Variants in UGGT1 observed in about 807,000 individuals in gnomAD.
UGGT1 encodes the protein UDP-glucose glycoprotein glucosyltransferase 1.
Under a neutral mutation model 203.9 loss-of-function variants are expected in UGGT1, and 107 were observed. The ratio of observed to expected loss-of-function variants is 0.52; its 90% CI spans 0.45 to 0.62. UGGT1 has a LOEUF of 0.62. Among genes scored for constraint, UGGT1 ranks in the 20% least tolerant of loss-of-function variants. UGGT1 has a pLI of 0.00. For synonymous variants in UGGT1, 628 were observed against 653.5 expected (o/e 0.96, Z 0.59); for missense variants, 1,673 against 1,867.2 (o/e 0.90, Z 1.92).
At chr2:128,165,825 G>A (rs1690763490) in intron 26 of UGGT1, among the ~76,000 whole-genome samples, 1 of 151,652 alleles carries the variant, frequency 6.6e-6, no homozygotes, top group Admixed American at 6.6e-5. Flanking sequence ...GCAGTAGCGT[G>A]ATCTCAGCTC....
intron 1 of UGGT1, among the ~76,000 whole-genome samples, chr2:128,094,704 A>C (rs1687025627): frequency 6.8e-6 from 1 of 147,538 alleles, no homozygotes; most frequent in Non-Finnish European, 1.5e-5. Flanking sequence ...GGCCTGTGGG[A>C]AAGGGTGTCT....
chr2:128,095,579 C>T (rs1480111138), intron 1 of UGGT1, among the ~76,000 whole-genome samples: 1 of 151,996 alleles, frequency 6.6e-6, no homozygotes, highest in African/African-American at 2.4e-5. Flanking sequence ...GCATGGACCT[C>T]CTAGGCCCAA....
intron 34 of UGGT1, among the ~76,000 whole-genome samples, 191 bp downstream of exon 34, chr2:128,178,760 G>A (rs1046060332): frequency 6.6e-6 from 1 of 152,186 alleles, no homozygotes. Context: ...GTTGAACTAT[G>A]TAGTGAGTGC....
intron 37 of UGGT1, 59 bp downstream of exon 37, chr2:128,182,349 G>T: frequency 1.3e-6 from 2 of 1,544,966 alleles, no homozygotes; most frequent in Non-Finnish European, 1.7e-6. Flanking sequence ...TTGATTTTGT[G>T]TGGTTAAAAT....
At chr2:128,106,709 G>A (rs1030265572) in intron 3 of UGGT1, among the ~76,000 whole-genome samples, 3 of 152,036 alleles carry the variant, frequency 2.0e-5, no homozygotes, top group Admixed American at 2.0e-4. Flanking sequence ...GCCACCTCCC[G>A]TGGCTAATTT....
At chr2:128,186,858 G>A (rs868348476) in intron 39 of UGGT1, 59 bp downstream of exon 39, 7 of 1,175,094 alleles carry the variant, frequency 6.0e-6, no homozygotes, top group South Asian at 4.5e-5. Context: ...AGTGAATCAC[G>A]ATTAATGATT....
rs892051930 is a variant in UGGT1 at position 128,106,098 on chromosome 2, C to T, written c.278-1840C>T. Among the ~76,000 whole-genome samples, 6 of 151,600 alleles carry T rather than the reference C, an allele frequency of 4.0e-5. No homozygotes were observed. In the East Asian group the frequency reaches 1.2e-3, roughly 29 times the overall value. ...GGGATTACAGGCGTGGGCCACCATG[C>T]CCAGCCTGAATCTTTTTTTTTTTTT... On this transcript the variant is annotated intron_variant, in intron 3 of 40. Coordinates refer to ENST00000259253, the MANE Select transcript of UGGT1 (RefSeq NM_020120.4).
chr2:128,096,007 A>G (rs1687101994), intron 1 of UGGT1, among the ~76,000 whole-genome samples: 1 of 152,174 alleles, frequency 6.6e-6, no homozygotes, highest in Non-Finnish European at 1.5e-5. Flanking sequence ...TCAAATGGGT[A>G]GAGCTCAGGG....
intron 11 of UGGT1, among the ~76,000 whole-genome samples, chr2:128,125,631 T>A (rs996189997): frequency 1.3e-5 from 2 of 152,136 alleles, no homozygotes; most frequent in African/African-American, 4.8e-5. Flanking sequence ...TTCAGTAGAA[T>A]TCAGGAGGGA....
chr2:128,183,330 C>A (rs776047400), intron 37 of UGGT1, among the ~76,000 whole-genome samples: 7 of 152,180 alleles, frequency 4.6e-5, no homozygotes, highest in Non-Finnish European at 1.0e-4. Flanking sequence ...GTTTTCCCCC[C>A]CCTGTAACAT....
At chr2:128,133,426 G>C (rs1688978996) in intron 14 of UGGT1, among the ~76,000 whole-genome samples, 166 bp downstream of exon 14, 1 of 152,110 alleles carries the variant, frequency 6.6e-6, no homozygotes, top group Non-Finnish European at 1.5e-5. Context: ...GTAGTGTACT[G>C]ACCACTTGTG....
Position 128,143,280 on chromosome 2 carries a change from C to G in UGGT1, c.1851+55C>G, listed in dbSNP as rs553997155. On this transcript the variant is annotated intron_variant, in intron 17 of 40. Coordinates refer to ENST00000259253, the MANE Select transcript of UGGT1 (RefSeq NM_020120.4). ...ATTGCAACATTGTACTGTCCTTAAC[C>G]CCGTGTTTGGGGGCTTTGGTTAATA... is the stretch of plus-strand genomic sequence containing the variant. 5 of 1,529,960 alleles carry G rather than the reference C, an allele frequency of 3.3e-6. No individual in the cohort carries two copies. In the East Asian group the frequency reaches 9.5e-5, roughly 29 times the overall value. The allele number at this position is 1,529,960 out of a possible 1,614,324, so 94.8% of individuals were successfully genotyped here.
intron 26 of UGGT1, among the ~76,000 whole-genome samples, chr2:128,169,546 T>C (rs1427273832): frequency 6.6e-6 from 1 of 152,256 alleles, no homozygotes; most frequent in Non-Finnish European, 1.5e-5. Flanking sequence ...CATAATCTCA[T>C]GTCTAGCACT....
In UGGT1 at chr2:128,186,780, G is replaced by A. The variant is rs752294353; in HGVS notation, c.4457G>A (p.Arg1486Lys). Residue 1486 changes from arginine to lysine, a missense_variant, in exon 39 of 41, where the codon AGG becomes AAG. Coordinates refer to ENST00000259253, the MANE Select transcript of UGGT1 (RefSeq NM_020120.4). Reference protein sequence around the residue: ...ETWCDDASKKRAKTIDLCNNP... With the variant: ...ETWCDDASKKKAKTIDLCNNP... The stretch of plus-strand genomic sequence containing the variant: ...TGGTGTGATGACGCCTCTAAGAAAA[G>A]GGCAAAAACCATTGATTTGGTAAGC... 52 of 1,612,098 alleles carry A rather than the reference G, an allele frequency of 3.2e-5. No homozygotes were observed. Among genetic ancestry groups the A allele is most frequent in the South Asian group, 4.4e-5 (4 of 90,758 alleles).
chr2:128,156,513 T>C, intron 21 of UGGT1, 98 bp downstream of exon 21: 1 of 950,554 alleles, frequency 1.1e-6, no homozygotes, highest in African/African-American at 1.7e-5. Context: ...TTGTACTGTT[T>C]CCGGAATCTG....
At position 128,116,289 on chromosome 2, in the gene UGGT1, T is replaced by C. The variant is rs759312548; in HGVS notation, c.818T>C (p.Ile273Thr). 1.2e-6 allele frequency: 2 copies of C among 1,609,348 alleles called. No homozygotes were observed. Among genetic ancestry groups the C allele is most frequent in the Non-Finnish European group, 8.5e-7 (1 of 1,175,718 alleles). The change falls in exon 8 of 41, where the codon ATT (isoleucine) becomes ACT (threonine). Residue 273 changes from isoleucine to threonine, a missense_variant. This residue lies in a region of UGGT1 where 1,073 missense variants were observed against 1,078.7 expected (regional missense o/e 0.99). Coordinates refer to ENST00000259253, the MANE Select transcript of UGGT1 (RefSeq NM_020120.4). ...VKGTEVNTTV[I>T]GENDPIDEVQ... Reference sequence around the variant, plus strand: ...GGAACTGAGGTAAACACCACAGTGATTGGTGAAAATGATCCTATTGATGAG... The same window carrying C: ...GGAACTGAGGTAAACACCACAGTGACTGGTGAAAATGATCCTATTGATGAG...
chr2:128,091,883 GGAT>G (rs1686882293), intron 1 of UGGT1, among the ~76,000 whole-genome samples: 1 of 152,172 alleles, frequency 6.6e-6, no homozygotes, highest in Admixed American at 6.5e-5. Flanking sequence ...GCTGGAAATT[GGAT>G]GATATGGTTT....
intron 5 of UGGT1, among the ~76,000 whole-genome samples, chr2:128,109,979 A>G (rs931141526): frequency 2.6e-5 from 4 of 152,194 alleles, no homozygotes; most frequent in African/African-American, 9.7e-5. Context: ...GAGATGATAC[A>G]AGTATTTAGT....
intron 37 of UGGT1, among the ~76,000 whole-genome samples, chr2:128,183,287 C>G (rs1320548695): frequency 6.6e-6 from 1 of 152,168 alleles, no homozygotes; most frequent in Non-Finnish European, 1.5e-5. Flanking sequence ...CATTCCTGGT[C>G]CAAAAGAACT....
Sources: gnomAD v4.1 joint callset for allele counts (sites outside exome capture counted in the v4.1 genomes callset) on GRCh38, gnomAD v4.1.1 for gene constraint, gnomAD v4.1.1 regional missense constraint, MANE v1.5 for transcripts, NCBI Gene and HGNC (gene_info 2026-07-23, HGNC 2026-07-21) for gene names.